The following ADAMTSL1 variants were observed in gnomAD, a reference collection of about 807,000 sequenced individuals.
The protein encoded by ADAMTSL1 is ADAMTS like 1.
In ADAMTSL1, 126 loss-of-function variants were observed where a neutral mutation model predicts 201.8. The observed-to-expected ratio is 0.62, with a 90% confidence interval of 0.54 to 0.72. ADAMTSL1 has a LOEUF of 0.72. ADAMTSL1 is among the 30% of genes least tolerant of loss of function. ADAMTSL1 has a pLI of 0.00. For missense variants in ADAMTSL1, 2,679 were observed against 2,277.8 expected (o/e 1.18, Z -3.59); for synonymous variants, 1,121 against 903.4 (o/e 1.24, Z -4.32).
chr9:18,601,950 TATCTC>T (rs71333048), intron 4 of ADAMTSL1, among the ~76,000 whole-genome samples: 18,453 of 152,074 alleles, frequency 0.12, 1,111 homozygotes, highest in South Asian at 0.16. Context: ...GTCTGAGAAA[TATCTC>T]ATATCTTTTC....
chr9:18,176,632 A>G (rs1828172654), intron 2 of ADAMTSL1, among the ~76,000 whole-genome samples: 1 of 152,174 alleles, frequency 6.6e-6, no homozygotes. Context: ...AAATGATGCA[A>G]TTTAAAGAAT....
At chr9:18,064,954 A>AGTT (rs1822627365) in intron 1 of ADAMTSL1, among the ~76,000 whole-genome samples, 1 of 69,022 alleles carries the variant, frequency 1.4e-5, no homozygotes, top group African/African-American at 5.7e-5. Flanking sequence ...TTTGCTAAAG[A>AGTT]TTTTTTTTTT....
chr9:18,324,889 A>T (rs560186324), intron 2 of ADAMTSL1, among the ~76,000 whole-genome samples: 2 of 152,316 alleles, frequency 1.3e-5, no homozygotes, highest in East Asian at 3.9e-4. Flanking sequence ...CTGATGAAAG[A>T]CTTCTAAATC....
At chr9:18,587,850 A>G (rs1564071344) in intron 4 of ADAMTSL1, among the ~76,000 whole-genome samples, 1 of 152,186 alleles carries the variant, frequency 6.6e-6, no homozygotes, top group Non-Finnish European at 1.5e-5. Flanking sequence ...GTGTATATAT[A>G]CCATGTGTCA....
intron 1 of ADAMTSL1, among the ~76,000 whole-genome samples, chr9:18,000,811 C>A (rs902587606): frequency 6.6e-6 from 1 of 152,060 alleles, no homozygotes; most frequent in African/African-American, 2.4e-5. Flanking sequence ...CAGAGCGGCT[C>A]AGGTGAATCC....
At chr9:18,760,304 C>T (rs1435747930) in intron 16 of ADAMTSL1, among the ~76,000 whole-genome samples, 4 of 152,160 alleles carry the variant, frequency 2.6e-5, no homozygotes, top group Admixed American at 6.5e-5. Flanking sequence ...ATCAACTCAT[C>T]AAACCCTTAC....
At chr9:18,489,061 C>A (rs1464836021) in intron 1 of ADAMTSL1, among the ~76,000 whole-genome samples, 1 of 152,100 alleles carries the variant, frequency 6.6e-6, no homozygotes, top group Non-Finnish European at 1.5e-5. Context: ...GGCTGGCAGC[C>A]TCCATCCCCG....
At chr9:18,368,730 C>T (rs1365412042) in intron 2 of ADAMTSL1, among the ~76,000 whole-genome samples, 2 of 152,090 alleles carry the variant, frequency 1.3e-5, no homozygotes, top group Non-Finnish European at 2.9e-5. Flanking sequence ...AACCATCATC[C>T]TGGATGGTGA....
chr9:18,808,308 G>A (rs1208773819), intron 20 of ADAMTSL1, among the ~76,000 whole-genome samples: 1 of 152,206 alleles, frequency 6.6e-6, no homozygotes, highest in Non-Finnish European at 1.5e-5. Context: ...TCTAATAGGT[G>A]TAAGAGGGTC....
At chr9:17,972,906 G>A (rs1588502000) in intron 1 of ADAMTSL1, among the ~76,000 whole-genome samples, 1 of 148,880 alleles carries the variant, frequency 6.7e-6, no homozygotes, top group African/African-American at 2.5e-5. Flanking sequence ...GCATTTCTCT[G>A]ATGGCCAGTG....
At chr9:18,279,746 A>C (rs992194702) in intron 2 of ADAMTSL1, among the ~76,000 whole-genome samples, 5 of 152,164 alleles carry the variant, frequency 3.3e-5, no homozygotes, top group African/African-American at 1.2e-4. Context: ...AATGTGAATT[A>C]AAAATGCAGT....
intron 3 of ADAMTSL1, among the ~76,000 whole-genome samples, chr9:18,571,298 G>A (rs768546183): frequency 5.4e-4 from 82 of 152,286 alleles, no homozygotes; most frequent in African/African-American, 1.8e-3. Flanking sequence ...AGGCAGAGGC[G>A]ATTCAGCCTG....
At chr9:18,332,855 C>G (rs1835088254) in intron 2 of ADAMTSL1, among the ~76,000 whole-genome samples, 1 of 152,100 alleles carries the variant, frequency 6.6e-6, no homozygotes, top group Admixed American at 6.5e-5. Context: ...AGGTTGGGAT[C>G]CAGACACACC....
intron 14 of ADAMTSL1, among the ~76,000 whole-genome samples, chr9:18,709,320 T>C (rs546065250): frequency 7.2e-5 from 11 of 152,346 alleles, no homozygotes; most frequent in African/African-American, 2.6e-4. Flanking sequence ...CTTTGATCTT[T>C]CACCAAAATG....
intron 2 of ADAMTSL1, among the ~76,000 whole-genome samples, chr9:18,278,845 T>C (rs1220851245): frequency 6.6e-6 from 1 of 152,164 alleles, no homozygotes. Context: ...TTCATTCTTT[T>C]TCTTTCTCTC....
chr9:18,474,249 G>C lies in ADAMTSL1; in HGVS notation c.17G>C (p.Arg6Pro), dbSNP rs774622455. 18 of 1,613,912 alleles carry C rather than the reference G, an allele frequency of 1.1e-5. No homozygotes were observed. In the Admixed American group the frequency reaches 2.8e-4, roughly 25 times the overall value. The change falls in exon 1 of 29, where the codon CGG (arginine) becomes CCG (proline). Residue 6 changes from arginine (R) to proline (P), a missense_variant. Coordinates refer to ENST00000380548, the MANE Select transcript of ADAMTSL1 (RefSeq NM_001040272.6). Reference protein sequence around the residue: MECCRRATPGTLLLFL... With the variant: MECCRPATPGTLLLFL... ...GATCCAAGCATGGAATGCTGCCGTC[G>C]GGCAACTCCTGGCACACTGCTCCTC...
intron 2 of ADAMTSL1, among the ~76,000 whole-genome samples, chr9:18,201,258 C>T (rs1241342462): frequency 6.6e-6 from 1 of 152,016 alleles, no homozygotes; most frequent in Non-Finnish European, 1.5e-5. Context: ...TTGCCTGTAT[C>T]CATTTGGGAA....
intron 1 of ADAMTSL1, among the ~76,000 whole-genome samples, chr9:18,004,465 G>C (rs895969115): frequency 2.0e-5 from 3 of 152,024 alleles, no homozygotes; most frequent in African/African-American, 4.8e-5. Flanking sequence ...GGCACAGAAT[G>C]ATGTGGGAAG....
intron 1 of ADAMTSL1, among the ~76,000 whole-genome samples, chr9:18,042,971 A>G (rs1299796342): frequency 6.6e-6 from 1 of 152,178 alleles, no homozygotes; most frequent in Non-Finnish European, 1.5e-5. Flanking sequence ...AAGTAATTGA[A>G]GCCAACATTC....
Sources: allele counts gnomAD v4.1 joint callset (sites outside exome capture counted in the v4.1 genomes callset), GRCh38; gene constraint gnomAD v4.1.1; transcripts MANE v1.5; gene names NCBI Gene and HGNC (gene_info 2026-07-23, HGNC 2026-07-21).